SAMTOR: variants seen among roughly 807,000 people sequenced by gnomAD.
SAMTOR encodes the protein UPF0532 protein C7orf60.
the SAMTOR span, among the ~76,000 whole-genome samples, chr7:112,910,503 T>A: frequency 6.6e-6 from 1 of 152,190 alleles, no homozygotes; most frequent in Non-Finnish European, 1.5e-5. Context: ...GAAAGACTGT[T>A]AGGAAAGAGG....
the SAMTOR span, among the ~76,000 whole-genome samples, chr7:112,911,725 C>A: frequency 1.3e-5 from 2 of 151,750 alleles, no homozygotes; most frequent in African/African-American, 2.4e-5. Flanking sequence ...AAAATTAAAT[C>A]TCTAAAAAGC....
chr7:112,903,396 G>T, the SAMTOR span, among the ~76,000 whole-genome samples: 1 of 151,182 alleles, frequency 6.6e-6, no homozygotes, highest in Admixed American at 6.6e-5. Context: ...GACCAAAAAG[G>T]CTTCACAACT....
the SAMTOR span, chr7:112,939,767 C>T: frequency 6.3e-7 from 1 of 1,578,634 alleles, no homozygotes; most frequent in South Asian, 1.1e-5. Flanking sequence ...GCCGCCGCCG[C>T]CGCCGCCGCC....
the SAMTOR span, among the ~76,000 whole-genome samples, chr7:112,901,315 C>A: frequency 6.6e-6 from 1 of 152,136 alleles, no homozygotes; most frequent in Non-Finnish European, 1.5e-5. Flanking sequence ...GCACTAGATT[C>A]TCATAGAAGC....
the SAMTOR span, among the ~76,000 whole-genome samples, chr7:112,913,447 T>C: frequency 1.3e-5 from 2 of 152,248 alleles, no homozygotes; most frequent in Non-Finnish European, 2.9e-5. Flanking sequence ...GCCATGATTA[T>C]TGAAGTAGTT....
chr7:112,909,066 C>G, the SAMTOR span, among the ~76,000 whole-genome samples: 1 of 152,218 alleles, frequency 6.6e-6, no homozygotes, highest in Non-Finnish European at 1.5e-5. Context: ...CACTCCAGTT[C>G]TAGAAAGTTC....
chr7:112,915,239 G>GA, the SAMTOR span: 137,437 of 1,069,640 alleles, frequency 0.13, 69 homozygotes, highest in Non-Finnish European at 0.14. Flanking sequence ...TCCGTCTCAG[G>GA]AAAAAAAAAA....
At chr7:112,826,500 T>A in the SAMTOR span, among the ~76,000 whole-genome samples, 1 of 152,166 alleles carries the variant, frequency 6.6e-6, no homozygotes, top group South Asian at 2.1e-4. Flanking sequence ...AAATCTGTCA[T>A]GATGTTACCT....
chr7:112,840,388 T>C, the SAMTOR span, among the ~76,000 whole-genome samples: 1 of 152,002 alleles, frequency 6.6e-6, no homozygotes, highest in South Asian at 2.1e-4. Context: ...CTGGTGTATA[T>C]CTGTTTAGAC....
chr7:112,894,740 A>T, the SAMTOR span, among the ~76,000 whole-genome samples: 1 of 152,202 alleles, frequency 6.6e-6, no homozygotes. Context: ...TCCTTCCCAC[A>T]ACACATGAGA....
the SAMTOR span, among the ~76,000 whole-genome samples, chr7:112,894,178 G>A: frequency 6.6e-6 from 1 of 151,710 alleles, no homozygotes; most frequent in African/African-American, 2.4e-5. Context: ...AGAGAGAAGA[G>A]GGGGAGGGGG....
the SAMTOR span, chr7:112,939,224 C>A: frequency 3.9e-6 from 1 of 255,646 alleles, no homozygotes; most frequent in East Asian, 9.8e-5. Context: ...TTTTACCTGT[C>A]TTGTTTTACC....
At chr7:112,878,103 A>C in the SAMTOR span, among the ~76,000 whole-genome samples, 2 of 152,194 alleles carry the variant, frequency 1.3e-5, no homozygotes, top group Non-Finnish European at 2.9e-5. Flanking sequence ...TAGCAGAAGT[A>C]CTTTTTCTGC....
chr7:112,901,968 G>A, the SAMTOR span, among the ~76,000 whole-genome samples: 40 of 152,104 alleles, frequency 2.6e-4, no homozygotes, highest in Non-Finnish European at 4.7e-4. Flanking sequence ...AAAGAAATGA[G>A]ATATCAAGCC....
the SAMTOR span, among the ~76,000 whole-genome samples, chr7:112,856,900 G>A: frequency 6.6e-6 from 1 of 152,008 alleles, no homozygotes; most frequent in Non-Finnish European, 1.5e-5. Flanking sequence ...GATAGCTTCA[G>A]CTCCATCTAT....
the SAMTOR span, among the ~76,000 whole-genome samples, chr7:112,882,551 T>C: frequency 6.6e-6 from 1 of 151,822 alleles, no homozygotes; most frequent in Non-Finnish European, 1.5e-5. Context: ...TAGCTGGGTG[T>C]GGTGGCACGT....
the SAMTOR span, among the ~76,000 whole-genome samples, chr7:112,838,724 T>C: frequency 6.6e-6 from 1 of 151,838 alleles, no homozygotes; most frequent in Non-Finnish European, 1.5e-5. Context: ...GACAATAATC[T>C]TGATGGGTAA....
the SAMTOR span, chr7:112,819,980 C>A: frequency 2.6e-5 from 4 of 152,340 alleles, no homozygotes; most frequent in African/African-American, 4.8e-5. Flanking sequence ...CTTGGGGAAG[C>A]TACAAGACAT....
the SAMTOR span, among the ~76,000 whole-genome samples, chr7:112,892,528 AG>A: frequency 1.3e-5 from 2 of 152,172 alleles, no homozygotes; most frequent in African/African-American, 4.8e-5. Flanking sequence ...TAGCACTTCC[AG>A]AGGCTGAGAC....
Sources: gnomAD v4.1 joint callset for allele counts (sites outside exome capture counted in the v4.1 genomes callset) on GRCh38, gnomAD v4.1.1 for gene constraint, MANE v1.5 for transcripts, NCBI Gene and HGNC (gene_info 2026-07-23, HGNC 2026-07-21) for gene names.